CWC27: variants seen among roughly 807,000 people sequenced by gnomAD.
CWC27 encodes the protein spliceosome-associated protein CWC27 homolog.
Under a neutral mutation model 63.6 loss-of-function variants are expected in CWC27, and 47 were observed. That is an observed-to-expected ratio of 0.74 (90% CI 0.58 to 0.94). The LOEUF is 0.94. CWC27 is among the 40% of genes least tolerant of loss of function. The pLI, the probability that CWC27 is intolerant of heterozygous loss-of-function variation, is 0.00. For synonymous variants in CWC27, 175 were observed against 179.8 expected, an observed-to-expected ratio of 0.97 and a Z score of 0.22; for missense variants, 495 against 554.3, an observed-to-expected ratio of 0.89 and a Z score of 1.07.
At chr5:64,909,691 T>A (rs1354016656) in intron 11 of CWC27, among the ~76,000 whole-genome samples, 2 of 152,204 alleles carry the variant, frequency 1.3e-5, no homozygotes, top group Non-Finnish European at 2.9e-5. Context: ...AATTTGATCT[T>A]CAGTCACTGA....
chr5:64,874,480 T>G (rs557376188), intron 10 of CWC27, among the ~76,000 whole-genome samples: 28 of 151,996 alleles, frequency 1.8e-4, no homozygotes, highest in African/African-American at 6.8e-4. Context: ...TTTTTTTGTT[T>G]GTTTTTTAGA....
chr5:64,942,395 C>T (rs2112415940), intron 11 of CWC27, among the ~76,000 whole-genome samples: 1 of 145,444 alleles, frequency 6.9e-6, no homozygotes, highest in African/African-American at 2.6e-5. Flanking sequence ...ATAATCATGC[C>T]ACTGCACTCA....
At chr5:64,838,706 C>G (rs1407557835) in intron 10 of CWC27, among the ~76,000 whole-genome samples, 1 of 152,134 alleles carries the variant, frequency 6.6e-6, no homozygotes, top group African/African-American at 2.4e-5. Context: ...AAGCCCATTT[C>G]CCCATAGGTA....
intron 10 of CWC27, among the ~76,000 whole-genome samples, chr5:64,876,236 A>G (rs753991328): frequency 2.0e-5 from 3 of 152,126 alleles, no homozygotes; most frequent in Non-Finnish European, 4.4e-5. Context: ...TAAAAATTGT[A>G]TGAAACATCT....
At chr5:64,781,303 A>G (rs532019165) in intron 2 of CWC27, among the ~76,000 whole-genome samples, 13 of 152,282 alleles carry the variant, frequency 8.5e-5, no homozygotes, top group African/African-American at 2.9e-4. Flanking sequence ...TATTTATTCA[A>G]AGTTTCTTGA....
At chr5:65,009,871 T>C (rs1659446319) in intron 13 of CWC27, among the ~76,000 whole-genome samples, 1 of 152,172 alleles carries the variant, frequency 6.6e-6, no homozygotes, top group Non-Finnish European at 1.5e-5. Context: ...AAGTACAAAA[T>C]AAGTTAAAAT....
rs555099977 is a variant in CWC27 at position 64,796,680 on chromosome 5, G to C, written c.670-3568G>C. ...GTTGACTCATAAAATTATCCACACA[G>C]AGTTAGAGATTGAGCCCCAGACCTT... is the stretch of plus-strand genomic sequence containing the variant. On this transcript the variant is annotated intron_variant, in intron 7 of 13. Coordinates refer to ENST00000381070, the MANE Select transcript of CWC27 (RefSeq NM_005869.4). Among the ~76,000 whole-genome samples the C allele has an allele frequency of 7.9e-5, 12 of 152,066 alleles. No homozygotes were observed. The South Asian group carries it at 1.9e-3, about 24-fold the overall frequency.
chr5:64,886,692 A>C (rs1213236956), intron 11 of CWC27, among the ~76,000 whole-genome samples: 1 of 152,112 alleles, frequency 6.6e-6, no homozygotes, highest in African/African-American at 2.4e-5. Context: ...AAAATCCCCA[A>C]TGACTATTTT....
At chr5:65,001,574 A>T (rs1335852126) in intron 13 of CWC27, among the ~76,000 whole-genome samples, 1 of 151,820 alleles carries the variant, frequency 6.6e-6, no homozygotes, top group East Asian at 1.9e-4. Flanking sequence ...GATCAAGACA[A>T]TCATACAATT....
intron 10 of CWC27, among the ~76,000 whole-genome samples, chr5:64,839,578 G>A (rs1745748168): frequency 6.6e-6 from 1 of 152,194 alleles, no homozygotes; most frequent in East Asian, 1.9e-4. Context: ...CACAGGGCCT[G>A]ATGAGGGCAG....
chr5:64,944,757 C>T (rs1293263847), intron 11 of CWC27, among the ~76,000 whole-genome samples: 7 of 151,396 alleles, frequency 4.6e-5, no homozygotes, highest in Admixed American at 4.6e-4. Context: ...TAGATTAGTG[C>T]AGTCGTTTCA....
At chr5:64,844,047 C>A (rs1745912017) in intron 10 of CWC27, among the ~76,000 whole-genome samples, 1 of 152,064 alleles carries the variant, frequency 6.6e-6, no homozygotes, top group South Asian at 2.1e-4. Flanking sequence ...TGAATAAAAC[C>A]TGAATTAGAA....
Position 64,769,197 on chromosome 5 carries a change from C to G in CWC27, c.42+9C>G. On this transcript the variant is annotated intron_variant, in intron 1 of 13. Coordinates refer to ENST00000381070, the MANE Select transcript of CWC27 (RefSeq NM_005869.4). ...CTCCCACGAATGGGAAGGTGAGAGC[C>G]TCATCTAGGGAACTTGGGGTCCTGG... 6.2e-7 allele frequency: 1 copy of G among 1,613,804 alleles called. No homozygotes were observed. Among genetic ancestry groups the G allele is most frequent in the South Asian group, 1.1e-5 (1 of 91,066 alleles).
intron 12 of CWC27, among the ~76,000 whole-genome samples, chr5:64,973,145 C>T (rs940981630): frequency 6.6e-6 from 1 of 152,068 alleles, no homozygotes; most frequent in African/African-American, 2.4e-5. Context: ...ATGATTGTAA[C>T]ATAAACTAAG....
At chr5:65,007,006 GAAA>G (rs1749857341) in intron 13 of CWC27, among the ~76,000 whole-genome samples, 8 of 142,840 alleles carry the variant, frequency 5.6e-5, no homozygotes, top group East Asian at 2.0e-4. Flanking sequence ...AAGAAAGAAA[GAAA>G]GAAAGAAAGA....
At chr5:64,959,547 A>T (rs1748864052) in intron 11 of CWC27, among the ~76,000 whole-genome samples, 1 of 152,192 alleles carries the variant, frequency 6.6e-6, no homozygotes, top group African/African-American at 2.4e-5. Flanking sequence ...CAGAAAGCTT[A>T]GTGCCCAGTG....
chr5:64,852,218 A>G (rs1432555142), intron 10 of CWC27, among the ~76,000 whole-genome samples: 1 of 152,206 alleles, frequency 6.6e-6, no homozygotes, highest in African/African-American at 2.4e-5. Context: ...TCATGTTTTT[A>G]TGTGCACAAA....
chr5:64,854,603 A>G lies in CWC27; in HGVS notation c.939-30840A>G, dbSNP rs185801087. Among the ~76,000 whole-genome samples the G allele has an allele frequency of 2.2e-4, 33 of 152,352 alleles. No homozygotes were observed. In the East Asian group the frequency reaches 6.2e-3, roughly 28 times the overall value. ...ATGGACTGAAACTTTTGGTTTTCAT[A>G]ATGTTTGCTTTATAAAGTTGATCTT... On this transcript the variant is annotated intron_variant, in intron 10 of 13. Transcript: ENST00000381070.
intron 7 of CWC27, among the ~76,000 whole-genome samples, chr5:64,794,464 AAGAT>A (rs1744187962): frequency 6.6e-6 from 1 of 152,122 alleles, no homozygotes; most frequent in South Asian, 2.1e-4. Context: ...TACTAAGAAT[AAGAT>A]CTCTGGAATA....
Sources: gnomAD v4.1 joint callset for allele counts (sites outside exome capture counted in the v4.1 genomes callset) on GRCh38, gnomAD v4.1.1 for gene constraint, MANE v1.5 for transcripts, NCBI Gene and HGNC (gene_info 2026-07-23, HGNC 2026-07-21) for gene names.